The following SMCO1 variants were observed in gnomAD, a reference collection of about 807,000 sequenced individuals.
The protein encoded by SMCO1 is single-pass membrane and coiled-coil domain-containing protein 1.
SMCO1 carries 9 observed loss-of-function variants against 7.5 expected under a neutral mutation model. That is an observed-to-expected ratio of 1.20 (90% CI 0.72 to 2.09). The LOEUF is 2.09. Among genes scored for constraint, SMCO1 ranks in the 30% most tolerant of loss-of-function variants. The pLI, the probability that SMCO1 is intolerant of heterozygous loss-of-function variation, is 0.00. For synonymous variants in SMCO1, 90 were observed against 93.8 expected (o/e 0.96, Z 0.23); for missense variants, 219 against 253.1 (o/e 0.87, Z 0.91).
At chr3:196,514,461 G>A (rs1733329685) in intron 1 of SMCO1, among the ~76,000 whole-genome samples, 1 of 152,140 alleles carries the variant, frequency 6.6e-6, no homozygotes, top group Non-Finnish European at 1.5e-5. Context: ...TTTTTCTAGT[G>A]TCAAAGGCAA....
At chr3:196,511,320 A>G (rs1560283800) in intron 1 of SMCO1, among the ~76,000 whole-genome samples, 1 of 150,758 alleles carries the variant, frequency 6.6e-6, no homozygotes, top group African/African-American at 2.4e-5. Flanking sequence ...GATTGTCTTT[A>G]TGAGGGAAAC....
At chr3:196,512,349 T>C (rs894498336) in intron 1 of SMCO1, among the ~76,000 whole-genome samples, 6 of 152,194 alleles carry the variant, frequency 3.9e-5, no homozygotes, top group African/African-American at 1.2e-4. Flanking sequence ...ACACACATGC[T>C]ACTTCTCTGA....
chr3:196,520,317 A>G (rs971671024), upstream of SMCO1, among the ~76,000 whole-genome samples: 19 of 152,328 alleles, frequency 1.2e-4, no homozygotes, highest in African/African-American at 4.3e-4. Flanking sequence ...CAAGTTTTGT[A>G]CAATGGACTC....
intron 1 of SMCO1, among the ~76,000 whole-genome samples, chr3:196,512,192 CGCCT>C (rs1560284381): frequency 0.015 from 2,302 of 150,574 alleles, 57 homozygotes; most frequent in African/African-American, 0.053. Flanking sequence ...TTGCCTGGGC[CGCCT>C]AGATTGTGGT....
rs1379999638 is a variant in SMCO1 at position 196,515,245 on chromosome 3, G to A, written c.-36C>T. ...CAAAAGGAAAGAAAACAAAAACAAAGCAAAACAAAAAAAGCAATAAATGTT... is the reference window on the plus strand; with the variant it reads ...CAAAAGGAAAGAAAACAAAAACAAAACAAAACAAAAAAAGCAATAAATGTT... On this transcript the variant is annotated 5_prime_UTR_variant, in exon 1 of 3. Transcript: ENST00000397537. 5.2e-6 allele frequency: 8 copies of A among 1,530,968 alleles called. No homozygotes were observed. The highest frequency in any genetic ancestry group is 2.7e-5 in the African/African-American group (2 of 73,170). The allele number at this position is 1,530,968 out of a possible 1,614,324, so 94.8% of individuals were successfully genotyped here.
chr3:196,515,365 A>G (rs1009647229), upstream of SMCO1: 12 of 615,900 alleles, frequency 1.9e-5, no homozygotes, highest in Non-Finnish European at 3.2e-5. Flanking sequence ...ACTCAGTACA[A>G]GAAGCTTTTA....
chr3:196,512,046 C>T (rs1193010222), intron 1 of SMCO1, among the ~76,000 whole-genome samples: 1 of 149,740 alleles, frequency 6.7e-6, no homozygotes, highest in Non-Finnish European at 1.5e-5. Flanking sequence ...GCCTGGGCTG[C>T]CTAGATTGTC....
upstream of SMCO1, among the ~76,000 whole-genome samples, chr3:196,519,750 A>G (rs1733459920): frequency 6.6e-6 from 1 of 150,952 alleles, no homozygotes; most frequent in Non-Finnish European, 1.5e-5. Flanking sequence ...AGGGAGGCAC[A>G]CAGATCACAC....
intron 1 of SMCO1, 98 bp from the exon 2 acceptor site, chr3:196,509,767 C>A: frequency 2.9e-6 from 3 of 1,017,540 alleles, no homozygotes; most frequent in Non-Finnish European, 4.1e-6. Flanking sequence ...CAACCATTAC[C>A]AAATTTGGAT....
chr3:196,517,580 A>AC (rs77585822), upstream of SMCO1, among the ~76,000 whole-genome samples: 13 of 148,844 alleles, frequency 8.7e-5, no homozygotes, highest in Admixed American at 6.0e-4. Flanking sequence ...CTCTAACAGC[A>AC]CCCCCCCATA....
upstream of SMCO1, among the ~76,000 whole-genome samples, chr3:196,516,565 A>C (rs544831010): frequency 6.6e-6 from 1 of 152,214 alleles, no homozygotes. Context: ...TCTTTCACTG[A>C]ATACTTTATT....
intron 1 of SMCO1, 81 bp from the exon 2 acceptor site, chr3:196,509,750 T>C: frequency 8.0e-7 from 1 of 1,247,314 alleles, no homozygotes; most frequent in Non-Finnish European, 1.1e-6. Context: ...CTCTAATACA[T>C]TATTTACAAC....
At chr3:196,520,431 C>T in the SMCO1 span, among the ~76,000 whole-genome samples, 1 of 152,056 alleles carries the variant, frequency 6.6e-6, no homozygotes, top group Non-Finnish European at 1.5e-5. Context: ...ATGTCCCAAC[C>T]CTTCTAGTCC....
intron 1 of SMCO1, among the ~76,000 whole-genome samples, chr3:196,510,900 G>A (rs565770055): frequency 6.6e-6 from 1 of 152,338 alleles, no homozygotes; most frequent in East Asian, 1.9e-4. Context: ...TGACATCTTT[G>A]ATGAGAATGA....
chr3:196,507,738 A>G lies in SMCO1; in HGVS notation c.*149T>C. On this transcript the variant is annotated 3_prime_UTR_variant, in exon 3 of 3. Transcript: ENST00000397537. ...TTCATTCTTTTATATGGCTGCAAAG[A>G]AAGTATCTATTGTATCAATTTGTCA... The G allele has an allele frequency of 1.7e-6, 1 of 597,864 alleles. No homozygotes were observed. Among genetic ancestry groups the G allele is most frequent in the Non-Finnish European group, 3.0e-6 (1 of 337,852 alleles). The allele number at this position is 597,864 out of a possible 1,614,324, so 37.0% of individuals were successfully genotyped here.
At chr3:196,517,486 A>C (rs1733414538), upstream of SMCO1, among the ~76,000 whole-genome samples, 1 of 152,144 alleles carries the variant, frequency 6.6e-6, no homozygotes, top group South Asian at 2.1e-4. Flanking sequence ...GGGTTGCCAA[A>C]TATAAGGAAG....
chr3:196,510,732 A>G (rs989133207), intron 1 of SMCO1, among the ~76,000 whole-genome samples: 5 of 152,092 alleles, frequency 3.3e-5, no homozygotes, highest in Non-Finnish European at 5.9e-5. Flanking sequence ...CTGTGGACCC[A>G]TCTCCCGCCT....
chr3:196,511,415 C>T (rs1185540469), intron 1 of SMCO1, among the ~76,000 whole-genome samples: 3 of 135,032 alleles, frequency 2.2e-5, no homozygotes, highest in Non-Finnish European at 3.2e-5. Context: ...CTGCCTGGGC[C>T]ACCTAGATTG....
chr3:196,512,803 C>T (rs566829578), intron 1 of SMCO1, among the ~76,000 whole-genome samples: 55 of 152,126 alleles, frequency 3.6e-4, no homozygotes, highest in Non-Finnish European at 7.5e-4. Flanking sequence ...CCACCGCACC[C>T]GGCCTAGAGA....
Sources: allele counts gnomAD v4.1 joint callset (sites outside exome capture counted in the v4.1 genomes callset), GRCh38; gene constraint gnomAD v4.1.1; transcripts MANE v1.5; gene names NCBI Gene and HGNC (gene_info 2026-07-23, HGNC 2026-07-21).